Variants in ZNF569 observed in about 807,000 individuals in gnomAD.
ZNF569 encodes DNA-binding protein.
ZNF569 carries 38 observed loss-of-function variants against 56.3 expected under a neutral mutation model. The ratio of observed to expected loss-of-function variants is 0.68; its 90% CI spans 0.52 to 0.88. The LOEUF (loss-of-function observed/expected upper bound fraction) is 0.88. Ranked by LOEUF, ZNF569 falls within the 40% of genes least tolerant of loss-of-function variation. The probability of loss-of-function intolerance (pLI) is 0.00; values close to 1 mark genes in which losing one functional copy is unlikely to be tolerated. For synonymous variants in ZNF569, 241 were observed against 262.9 expected, an observed-to-expected ratio of 0.92 and a Z score of 0.81; for missense variants, 666 against 809.2, an observed-to-expected ratio of 0.82 and a Z score of 2.15.
chr19:37,413,399 C>T lies in ZNF569; in HGVS notation c.1259G>A (p.Ser420Asn). ...GTGTGTAATGAAGTTTTTCTTGTGG[C>T]TGAAGGCTTTTCTGCATTCCTTACA... is the stretch of plus-strand genomic sequence containing the variant. ...YECKECRKAF[S>N]HKKNFITHQK... Residue 420 changes from serine to asparagine, a missense_variant, in exon 6 of 6, where the codon AGC (serine) becomes AAC (asparagine). Ser to Asn is a conservative substitution (Grantham distance 46). Transcript: ENST00000316950. 6.2e-7 allele frequency: 1 copy of T among 1,612,632 alleles called. No individual in the cohort carries two copies. The highest frequency in any genetic ancestry group is 8.5e-7 in the Non-Finnish European group (1 of 1,179,564).
intron 2 of ZNF569, among the ~76,000 whole-genome samples, chr19:37,448,556 C>CT (rs545559315): frequency 0.049 from 3,525 of 72,592 alleles, 325 homozygotes; most frequent in African/African-American, 0.09. Context: ...ATGCTGTAAT[C>CT]TTTTTTTTTT....
intron 2 of ZNF569, among the ~76,000 whole-genome samples, chr19:37,447,375 AAC>A (rs1299735334): frequency 7.9e-5 from 12 of 152,198 alleles, no homozygotes; most frequent in Admixed American, 6.5e-5. Flanking sequence ...AAGGCATAAA[AAC>A]AGAGTGAATT....
At chr19:37,435,548 A>G (rs929569226) in intron 3 of ZNF569, among the ~76,000 whole-genome samples, 13 of 152,196 alleles carry the variant, frequency 8.5e-5, no homozygotes, top group African/African-American at 3.1e-4. Context: ...GTGGCTGAAT[A>G]TATTATAAAA....
At position 37,411,890 on chromosome 19, in the gene ZNF569, T is replaced by C. The variant is rs1487087322; in HGVS notation, c.*707A>G. The C allele has an allele frequency of 6.6e-6, 1 of 152,174 alleles. No individual in the cohort carries two copies. Among genetic ancestry groups the C allele is most frequent in the Non-Finnish European group, 1.5e-5 (1 of 67,992 alleles). The allele number at this position is 152,174 out of a possible 1,614,324, so 9.4% of individuals were successfully genotyped here. A position where few individuals can be genotyped will look rare whatever the true frequency, so the allele number is the denominator to read the frequency against. ...TTCACTTGGTAATACATTGTTTAAA[T>C]GACAGCAGCTTTAAATAAGTACATG... On this transcript the variant is annotated 3_prime_UTR_variant, in exon 6 of 6. Transcript: ENST00000316950.
intron 3 of ZNF569, among the ~76,000 whole-genome samples, chr19:37,432,389 T>C (rs1211045727): frequency 6.6e-6 from 1 of 152,224 alleles, no homozygotes; most frequent in Admixed American, 6.5e-5. Flanking sequence ...AGAATTCTTC[T>C]GGATCTTATC....
chr19:37,435,069 G>C (rs915113125), intron 3 of ZNF569, among the ~76,000 whole-genome samples: 1 of 152,124 alleles, frequency 6.6e-6, no homozygotes, highest in Non-Finnish European at 1.5e-5. Context: ...AGGTTGCAGT[G>C]AGCTGAGATC....
chr19:37,413,830 C>G lies in ZNF569; in HGVS notation c.828G>C (p.Glu276Asp). Residue 276 changes from glutamate to aspartate, a missense_variant, in exon 6 of 6, where the codon GAG (glutamate) becomes GAC (aspartate). Coordinates refer to ENST00000316950, the MANE Select transcript of ZNF569 (RefSeq NM_152484.3). ...GATTTGATTTCTGGCTGAAGGACTT[C>G]TCACATTCCTTACATGCATAGGGCT... Reference protein sequence around the residue: ...GEKPYACKECEKSFSQKSNLI... With the variant: ...GEKPYACKECDKSFSQKSNLI... The G allele has an allele frequency of 1.2e-6, 2 of 1,613,504 alleles. No individual in the cohort carries two copies. The highest frequency in any genetic ancestry group is 1.7e-6 in the Non-Finnish European group (2 of 1,179,900).
At chr19:37,453,426 T>A (rs2041625846) in intron 2 of ZNF569, among the ~76,000 whole-genome samples, 2 of 152,206 alleles carry the variant, frequency 1.3e-5, no homozygotes, top group South Asian at 4.1e-4. Flanking sequence ...CACCACCATC[T>A]TGCTGATGTC....
At chr19:37,464,187 C>T (rs2041796832) in intron 2 of ZNF569, among the ~76,000 whole-genome samples, 1 of 151,818 alleles carries the variant, frequency 6.6e-6, no homozygotes, top group Non-Finnish European at 1.5e-5. Context: ...CAATTTTAAT[C>T]GTATTTATTT....
chr19:37,468,083 T>G (rs2041880780), upstream of ZNF569: 1 of 693,710 alleles, frequency 1.4e-6, no homozygotes, highest in East Asian at 2.8e-5. Flanking sequence ...TTTTTTTTTT[T>G]TGTTTGTTTT....
At chr19:37,450,970 CAGAAAATATATTTGGTATGATTT>C (rs1364749260) in intron 2 of ZNF569, among the ~76,000 whole-genome samples, 1 of 152,098 alleles carries the variant, frequency 6.6e-6, no homozygotes, top group African/African-American at 2.4e-5. Context: ...CTACTGTGGT[CAGAAAATATATTTGGTATGATTT>C]AGATATTTTA....
At chr19:37,448,746 G>A (rs2146950064) in intron 2 of ZNF569, among the ~76,000 whole-genome samples, 1 of 151,788 alleles carries the variant, frequency 6.6e-6, no homozygotes, top group Non-Finnish European at 1.5e-5. Context: ...TGTATTTTTA[G>A]TAGAGACGGG....
In ZNF569 at chr19:37,424,724, G is replaced by A. The variant is rs535911533; in HGVS notation, c.238+1144C>T. Among the ~76,000 whole-genome samples the A allele has an allele frequency of 3.4e-5, 5 of 146,612 alleles. No individual in the cohort carries two copies. In the East Asian group the frequency reaches 8.4e-4, roughly 25 times the overall value. ...CCAGCTACTCGGGAGGCTGAGGCATGAGAATCGTTTGAACCCAGGAGCCAG... is the reference window on the plus strand; with the variant it reads ...CCAGCTACTCGGGAGGCTGAGGCATAAGAATCGTTTGAACCCAGGAGCCAG... On this transcript the variant is annotated intron_variant, in intron 5 of 5. Transcript: ENST00000316950.
At chr19:37,429,458 G>C (rs1189393463) in intron 3 of ZNF569, among the ~76,000 whole-genome samples, 1 of 152,244 alleles carries the variant, frequency 6.6e-6, no homozygotes, top group African/African-American at 2.4e-5. Flanking sequence ...CTTATGTCTT[G>C]TTTAAGCAAA....
chr19:37,424,515 T>C (rs1253341935), intron 5 of ZNF569, among the ~76,000 whole-genome samples: 3 of 151,994 alleles, frequency 2.0e-5, no homozygotes, highest in East Asian at 3.9e-4. Flanking sequence ...ACTTTTGTAC[T>C]ACAAAAGTGT....
At chr19:37,417,058 T>C (rs558151907) in intron 5 of ZNF569, among the ~76,000 whole-genome samples, 93 of 152,176 alleles carry the variant, frequency 6.1e-4, no homozygotes, top group African/African-American at 2.2e-3. Flanking sequence ...GAATGCTACA[T>C]GAAGAGACAA....
rs548758828 is a variant in ZNF569 at position 37,460,804 on chromosome 19, A to G, written c.-44+4509T>C. Among the ~76,000 whole-genome samples, 10 of 152,008 alleles carry G rather than the reference A, an allele frequency of 6.6e-5. No homozygotes were observed. The South Asian group carries it at 1.9e-3, about 28-fold the overall frequency. ...AGTCAAGGGATGAGACTGGTGGCCT[A>G]TCCTTCCCTAGAAATGAAAAAAACA... On this transcript the variant is annotated intron_variant, in intron 2 of 5. Transcript: ENST00000316950.
intron 1 of ZNF569, among the ~76,000 whole-genome samples, chr19:37,465,799 A>G (rs1373707142): frequency 6.6e-5 from 10 of 152,200 alleles, no homozygotes; most frequent in Admixed American, 6.5e-4. Context: ...TCCCCCTCCA[A>G]AAAAATTTAG....
intron 3 of ZNF569, among the ~76,000 whole-genome samples, chr19:37,439,592 T>C (rs1368293488): frequency 1.3e-5 from 2 of 152,264 alleles, no homozygotes; most frequent in South Asian, 2.1e-4. Context: ...ATTAAAGAGA[T>C]ATCTGTACTC....
Sources: allele counts gnomAD v4.1 joint callset (sites outside exome capture counted in the v4.1 genomes callset), GRCh38; gene constraint gnomAD v4.1.1; transcripts MANE v1.5; gene names NCBI Gene and HGNC (gene_info 2026-07-23, HGNC 2026-07-21).